Variants in HHIPL1 observed in about 807,000 individuals in gnomAD.
HHIPL1 encodes HHIP like 1, also known as HHIP-like protein 1.
HHIPL1 carries 43 observed loss-of-function variants against 61.8 expected under a neutral mutation model. The ratio of observed to expected loss-of-function variants is 0.70; its 90% CI spans 0.55 to 0.90. HHIPL1 has a LOEUF of 0.90. HHIPL1 is among the 40% of genes least tolerant of loss of function. HHIPL1 has a pLI of 0.00. For missense variants in HHIPL1, 1,056 were observed against 1,157.7 expected (o/e 0.91, Z 1.28); for synonymous variants, 482 against 515.8 (o/e 0.93, Z 0.89).
At position 99,668,964 on chromosome 14, in the gene HHIPL1, G is replaced by A. The variant is rs757503324; in HGVS notation, c.1730+661G>A. ...ACGAAGTCATGGGCCTGGGGCCCAG[G>A]GCCAGGGTGGGGCCCAGGCCACTGG... On this transcript the variant is annotated intron_variant, in intron 7 of 8. Transcript: ENST00000330710. The surrounding 1 kb of genome is among the most constrained non-coding windows in gnomAD (Gnocchi z 4.7). 1 of 1,591,864 alleles carries A rather than the reference G, an allele frequency of 6.3e-7. No individual in the cohort carries two copies. The highest frequency in any genetic ancestry group is 1.1e-5 in the South Asian group (1 of 89,580).
Position 99,662,911 on chromosome 14 carries a change from G to T in HHIPL1, c.1538G>T (p.Gly513Val), listed in dbSNP as rs749004223. The part of the protein sequence containing the change: ...LMSLQENPGT[G>V]QWQYSEICMG... ...TCCCTCCAAGAGAACCCAGGGACAG[G>T]CCAGTGGCAGTACAGTGAGATCTGC... Residue 513 changes from glycine to valine, a missense_variant, in exon 6 of 9, where the codon GGC becomes GTC. Coordinates refer to ENST00000330710, the MANE Select transcript of HHIPL1 (RefSeq NM_001127258.3). The T allele has an allele frequency of 2.1e-5, 34 of 1,612,794 alleles. No homozygotes were observed. Among genetic ancestry groups the T allele is most frequent in the Non-Finnish European group, 2.9e-5 (34 of 1,179,622 alleles).
At chr14:99,662,452 C>T (rs1292964024) in intron 5 of HHIPL1, among the ~76,000 whole-genome samples, 1 of 152,164 alleles carries the variant, frequency 6.6e-6, no homozygotes. Context: ...ATCCAGTGGG[C>T]TGGATTGCAT....
the HHIPL1 span, among the ~76,000 whole-genome samples, chr14:99,604,871 GCT>G: frequency 1.8e-4 from 28 of 152,228 alleles, no homozygotes; most frequent in African/African-American, 5.1e-4. Context: ...CAGCAGGGCG[GCT>G]CTTTGTCCCC....
intron 3 of HHIPL1, among the ~76,000 whole-genome samples, chr14:99,657,694 T>C (rs917119382): frequency 1.3e-5 from 2 of 151,784 alleles, no homozygotes; most frequent in African/African-American, 2.4e-5. Flanking sequence ...CACACACACA[T>C]ACACAAATAT....
At chr14:99,626,266 G>GT in the HHIPL1 span, among the ~76,000 whole-genome samples, 16,681 of 149,546 alleles carry the variant, frequency 0.11, 900 homozygotes, top group Non-Finnish European at 0.12. Context: ...GGGTGTAGCG[G>GT]GGTGTGTGTG....
chr14:99,651,822 CG>C (rs539940761), intron 1 of HHIPL1, among the ~76,000 whole-genome samples: 2 of 152,130 alleles, frequency 1.3e-5, no homozygotes, highest in African/African-American at 4.8e-5. Context: ...AGGGTGCGGA[CG>C]GGGTGGTCAG....
the HHIPL1 span, among the ~76,000 whole-genome samples, chr14:99,638,368 G>T: frequency 6.6e-6 from 1 of 152,208 alleles, no homozygotes; most frequent in Non-Finnish European, 1.5e-5. Context: ...AGGCTGCCCC[G>T]AGGCCTTCCC....
At chr14:99,617,079 A>G in the HHIPL1 span, among the ~76,000 whole-genome samples, 1 of 152,196 alleles carries the variant, frequency 6.6e-6, no homozygotes, top group South Asian at 2.1e-4. Flanking sequence ...ACAACGGAGT[A>G]GATTACAGAC....
At chr14:99,609,203 A>T in the HHIPL1 span, among the ~76,000 whole-genome samples, 1 of 152,194 alleles carries the variant, frequency 6.6e-6, no homozygotes, top group Middle Eastern at 3.4e-3. Context: ...GTCTCCCTGC[A>T]ACTCTATCAC....
chr14:99,626,746 A>G, the HHIPL1 span, among the ~76,000 whole-genome samples: 1 of 152,172 alleles, frequency 6.6e-6, no homozygotes, highest in South Asian at 2.1e-4. Context: ...CTCTATGCCT[A>G]GGTGACACAA....
intron 1 of HHIPL1, among the ~76,000 whole-genome samples, chr14:99,646,162 G>T (rs2055830700): frequency 6.6e-6 from 1 of 152,272 alleles, no homozygotes; most frequent in Non-Finnish European, 1.5e-5. Flanking sequence ...ACCTGGTGGT[G>T]CCACCGCTAT....
At chr14:99,673,474 AC>A (rs1400154796) in intron 8 of HHIPL1, among the ~76,000 whole-genome samples, 1 of 139,470 alleles carries the variant, frequency 7.2e-6, no homozygotes, top group Non-Finnish European at 1.5e-5. Context: ...GTGAGGACCC[AC>A]CCAGAACAGT....
intron 5 of HHIPL1, among the ~76,000 whole-genome samples, chr14:99,661,493 G>A (rs1330289839): frequency 3.4e-5 from 5 of 149,222 alleles, no homozygotes; most frequent in South Asian, 2.1e-4. Context: ...TTTGAGACAG[G>A]GTCTCATTTT....
At chr14:99,633,538 C>T in the HHIPL1 span, among the ~76,000 whole-genome samples, 1 of 152,116 alleles carries the variant, frequency 6.6e-6, no homozygotes, top group Non-Finnish European at 1.5e-5. Context: ...AGCTAGGGGC[C>T]GTGAAGCTGG....
At position 99,660,031 on chromosome 14, in the gene HHIPL1, C is replaced by T. The variant is rs1004299853; in HGVS notation, c.1376-249C>T. ...TTCGGTGACTGCCCCCGCCTCCACCCGGAGCCTCCCTGCGCCTTGGAGGCC... is the reference window on the plus strand; with the variant it reads ...TTCGGTGACTGCCCCCGCCTCCACCTGGAGCCTCCCTGCGCCTTGGAGGCC... On this transcript the variant is annotated intron_variant, in intron 4 of 8. Transcript: ENST00000330710. The surrounding 1 kb of genome is among the most constrained non-coding windows in gnomAD (Gnocchi z 4.9). 3.3e-5 allele frequency among the ~76,000 whole-genome samples: 5 copies of T among 151,624 alleles called. No individual in the cohort carries two copies. Among genetic ancestry groups the T allele is most frequent in the Admixed American group, 6.6e-5 (1 of 15,244 alleles).
upstream of HHIPL1, among the ~76,000 whole-genome samples, chr14:99,640,264 T>A (rs755133775): frequency 6.6e-6 from 1 of 152,212 alleles, no homozygotes; most frequent in African/African-American, 2.4e-5. Flanking sequence ...TTTGTTTATG[T>A]GGTTTTTAAA....
the HHIPL1 span, among the ~76,000 whole-genome samples, chr14:99,617,990 C>T: frequency 2.0e-5 from 3 of 152,278 alleles, no homozygotes; most frequent in East Asian, 1.9e-4. Context: ...AGGCAGAGGA[C>T]GTGACCAAGA....
chr14:99,648,525 A>G (rs2055876721), intron 1 of HHIPL1, among the ~76,000 whole-genome samples: 1 of 152,210 alleles, frequency 6.6e-6, no homozygotes, highest in Non-Finnish European at 1.5e-5. Flanking sequence ...GAGTGGACAG[A>G]CATGCAAAGA....
In HHIPL1 at chr14:99,659,424, G is replaced by A. The variant is rs926778334; in HGVS notation, c.1047-4G>A. The A allele has an allele frequency of 7.0e-7, 1 of 1,427,204 alleles. No homozygotes were observed. The allele number at this position is 1,427,204 out of a possible 1,614,324, so 88.4% of individuals were successfully genotyped here. A position where few individuals can be genotyped will look rare whatever the true frequency, so the allele number is the denominator to read the frequency against. The stretch of plus-strand genomic sequence containing the variant: ...AGCCGCGCCCTCTCCCACCCCGCCC[G>A]CAGGTCGGCGCTGCTGGGCAAGGTG... On this transcript the variant is annotated splice_region_variant and splice_polypyrimidine_tract_variant and intron_variant, in intron 3 of 8. Transcript: ENST00000330710.
Sources: allele counts gnomAD v4.1 joint callset (sites outside exome capture counted in the v4.1 genomes callset), GRCh38; gene constraint gnomAD v4.1.1; non-coding constraint Gnocchi (gnomAD v3.1); transcripts MANE v1.5; gene names NCBI Gene and HGNC (gene_info 2026-07-23, HGNC 2026-07-21).